Variants in INPP5F observed in about 807,000 individuals in gnomAD.
INPP5F encodes phosphatidylinositide 4-phosphatase SAC2.
Under a neutral mutation model 137.2 loss-of-function variants are expected in INPP5F, and 97 were observed. That is an observed-to-expected ratio of 0.71 (90% CI 0.60 to 0.84). The LOEUF (loss-of-function observed/expected upper bound fraction) is 0.84. Among genes scored for constraint, INPP5F ranks in the 40% least tolerant of loss-of-function variants. INPP5F has a pLI of 0.00. For missense variants in INPP5F, 1,271 were observed against 1,371.9 expected (o/e 0.93, Z 1.16); for synonymous variants, 504 against 476.9 (o/e 1.06, Z -0.74).
chr10:119,783,743 G>A (rs1849783032), intron 3 of INPP5F, among the ~76,000 whole-genome samples: 1 of 152,192 alleles, frequency 6.6e-6, no homozygotes, highest in Admixed American at 6.5e-5. Context: ...AAGGGAAAGA[G>A]ATTATATTCA....
At chr10:119,772,289 G>A (rs943321111) in intron 2 of INPP5F, among the ~76,000 whole-genome samples, 25 of 152,136 alleles carry the variant, frequency 1.6e-4, no homozygotes, top group African/African-American at 6.0e-4. Flanking sequence ...CCTCAGTCCA[G>A]GATTGTGCTC....
chr10:119,778,164 G>A (rs1366860764), intron 2 of INPP5F, among the ~76,000 whole-genome samples: 1 of 151,878 alleles, frequency 6.6e-6, no homozygotes, highest in African/African-American at 2.4e-5. Context: ...GCACCACCAT[G>A]CCCGGCTAAT....
At chr10:119,768,646 T>C (rs2134156114) in intron 2 of INPP5F, 1 of 152,406 alleles carries the variant, frequency 6.6e-6, no homozygotes, top group Admixed American at 6.5e-5. Flanking sequence ...ATGGGTGCTC[T>C]CTGTTTCACC....
intron 6 of INPP5F, among the ~76,000 whole-genome samples, chr10:119,795,057 C>T (rs1259125498): frequency 5.3e-5 from 7 of 131,030 alleles, no homozygotes; most frequent in Non-Finnish European, 1.2e-4. Flanking sequence ...CCGGATGGGG[C>T]GGCTGGCCGG....
chr10:119,827,277 G>A lies in INPP5F; in HGVS notation c.2896G>A (p.Asp966Asn). 1 of 1,614,154 alleles carries A rather than the reference G, an allele frequency of 6.2e-7. No homozygotes were observed. Among genetic ancestry groups the A allele is most frequent in the Non-Finnish European group, 8.5e-7 (1 of 1,180,038 alleles). ...TATTTACTGCCACAGATTTGTGCAAGATGCACAGAACAAAGTGACCCACCT... is the reference window on the plus strand; with the variant it reads ...TATTTACTGCCACAGATTTGTGCAAAATGCACAGAACAAAGTGACCCACCT... ...MDIYCHRFVQDAQNKVTHLSE... is the reference protein window; with the variant it reads ...MDIYCHRFVQNAQNKVTHLSE... The change falls in exon 20 of 20, where the codon GAT (aspartate) becomes AAT (asparagine). Residue 966 changes from aspartate to asparagine, a missense_variant. Asp to Asn is a conservative substitution (Grantham distance 23, BLOSUM62 1). Coordinates refer to ENST00000650623, the MANE Select transcript of INPP5F (RefSeq NM_014937.4).
intron 1 of INPP5F, among the ~76,000 whole-genome samples, chr10:119,727,016 G>C (rs541608181): frequency 9.2e-5 from 14 of 152,328 alleles, no homozygotes; most frequent in Admixed American, 3.9e-4. Flanking sequence ...GTCCATGTTT[G>C]GGTGTCATGT....
intron 2 of INPP5F, among the ~76,000 whole-genome samples, chr10:119,769,300 A>C (rs1057166471): frequency 6.6e-6 from 1 of 152,000 alleles, no homozygotes; most frequent in African/African-American, 2.4e-5. Flanking sequence ...AATTTTATTT[A>C]TATTTATTTA....
intron 2 of INPP5F, among the ~76,000 whole-genome samples, chr10:119,769,932 C>T (rs569687049): frequency 1.3e-5 from 2 of 152,064 alleles, no homozygotes; most frequent in South Asian, 2.1e-4. Context: ...TATATATCCT[C>T]TTAGTTCTGT....
intron 3 of INPP5F, among the ~76,000 whole-genome samples, chr10:119,789,973 G>C (rs1433902711): frequency 1.4e-5 from 2 of 147,524 alleles, no homozygotes; most frequent in African/African-American, 5.0e-5. Context: ...CAAGAGCATT[G>C]GATTTAGCAA....
chr10:119,791,745 G>A, intron 4 of INPP5F, 100 bp downstream of exon 4: 1 of 1,337,476 alleles, frequency 7.5e-7, no homozygotes, highest in Non-Finnish European at 1.0e-6. Context: ...ACCATTTGTT[G>A]TATTGAAGCA....
At chr10:119,799,129 A>G (rs1242779322) in intron 9 of INPP5F, among the ~76,000 whole-genome samples, 7 of 152,200 alleles carry the variant, frequency 4.6e-5, no homozygotes, top group Non-Finnish European at 8.8e-5. Context: ...ATTCACTCAC[A>G]TATAAGAATG....
At chr10:119,782,993 CAA>C (rs766783416) in intron 3 of INPP5F, among the ~76,000 whole-genome samples, 10 of 152,232 alleles carry the variant, frequency 6.6e-5, no homozygotes, top group Non-Finnish European at 1.3e-4. Flanking sequence ...TTTTAAGAAA[CAA>C]AATGAATTTA....
chr10:119,763,575 A>G (rs2134145847), intron 2 of INPP5F, among the ~76,000 whole-genome samples: 1 of 152,134 alleles, frequency 6.6e-6, no homozygotes, highest in South Asian at 2.1e-4. Context: ...CTTTCATCTC[A>G]CACTGGCTGT....
At chr10:119,757,880 A>G (rs1388484911) in intron 2 of INPP5F, among the ~76,000 whole-genome samples, 2 of 152,216 alleles carry the variant, frequency 1.3e-5, no homozygotes, top group Non-Finnish European at 2.9e-5. Flanking sequence ...TCTCATGGAA[A>G]TAACCTCCAA....
rs1375764427 is a variant in INPP5F, at chr10:119,828,806, C to T, written c.*1026C>T. 1 of 152,304 alleles carries T rather than the reference C, an allele frequency of 6.6e-6. No individual in the cohort carries two copies. The highest frequency in any genetic ancestry group is 2.4e-5 in the African/African-American group (1 of 41,434). 9.4% of individuals were successfully genotyped at this position (152,304 alleles called of 1,614,324 possible). A position where few individuals can be genotyped will look rare whatever the true frequency, so the allele number is the denominator to read the frequency against. ...AGGCTGCAGTGAGCTGTGATCGTGC[C>T]ACTGACCTCCAGCCTGGGGGACAGA... On this transcript the variant is annotated 3_prime_UTR_variant, in exon 20 of 20. Coordinates refer to ENST00000650623, the MANE Select transcript of INPP5F (RefSeq NM_014937.4).
chr10:119,798,490 A>T (rs1050993636), intron 8 of INPP5F, 53 bp from the exon 9 acceptor site: 1 of 1,228,268 alleles, frequency 8.1e-7, no homozygotes, highest in Non-Finnish European at 1.2e-6. Context: ...AGTAGACACT[A>T]ATATGTCTTA....
chr10:119,767,048 T>C (rs1312647962), intron 2 of INPP5F, among the ~76,000 whole-genome samples: 2 of 129,840 alleles, frequency 1.5e-5, no homozygotes, highest in Non-Finnish European at 3.1e-5. Context: ...GAGGTTGCAG[T>C]GAGCTGAGAT....
Position 119,763,214 on chromosome 10 carries a change from T to C in INPP5F, c.178+12058T>C, listed in dbSNP as rs564895601. Among the ~76,000 whole-genome samples the C allele has an allele frequency of 2.7e-4, 41 of 152,334 alleles. No individual in the cohort carries two copies. The East Asian group carries it at 6.6e-3, about 24-fold the overall frequency. On this transcript the variant is annotated intron_variant, in intron 2 of 19. Transcript: ENST00000650623. ...TCGAGAATAATCTTCACTGAGTCCA[T>C]GTTCTGCACTTCAGGCCCACTGCGG... is the stretch of plus-strand genomic sequence containing the variant.
At chr10:119,817,919 C>T (rs1038359825) in intron 15 of INPP5F, among the ~76,000 whole-genome samples, 11 of 152,232 alleles carry the variant, frequency 7.2e-5, no homozygotes. Context: ...CAGTACCTCA[C>T]TCACCTCACT....
Sources: allele counts gnomAD v4.1 joint callset (sites outside exome capture counted in the v4.1 genomes callset), GRCh38; gene constraint gnomAD v4.1.1; transcripts MANE v1.5; gene names NCBI Gene and HGNC (gene_info 2026-07-23, HGNC 2026-07-21).